LHFPL3: variants seen among roughly 807,000 people sequenced by gnomAD.
LHFPL3 encodes LHFPL tetraspan subfamily member 3 protein.
LHFPL3 carries 5 observed loss-of-function variants against 19.3 expected under a neutral mutation model. The ratio of observed to expected loss-of-function variants is 0.26; its 90% confidence interval spans 0.14 to 0.54. LHFPL3 has a LOEUF of 0.54. Among genes scored for constraint, LHFPL3 ranks in the 20% least tolerant of loss-of-function variants. The pLI, the probability that LHFPL3 is intolerant of heterozygous loss-of-function variation, is 0.94. For missense variants in LHFPL3, 249 were observed against 307.4 expected, an observed-to-expected ratio of 0.81 and a Z score of 1.42; for synonymous variants, 133 against 126.2, an observed-to-expected ratio of 1.05 and a Z score of -0.36.
chr7:104,813,044 G>T (rs1259844048), intron 2 of LHFPL3, among the ~76,000 whole-genome samples: 4 of 152,032 alleles, frequency 2.6e-5, no homozygotes, highest in African/African-American at 9.7e-5. Context: ...AACCCAGGAG[G>T]CGGAGGTTGC....
chr7:104,652,661 A>C (rs73181821), intron 1 of LHFPL3, among the ~76,000 whole-genome samples: 7,141 of 152,160 alleles, frequency 0.047, 235 homozygotes, highest in Non-Finnish European at 0.072. Context: ...ATTGCTGGAG[A>C]TTGAGGAGGA....
intron 1 of LHFPL3, among the ~76,000 whole-genome samples, chr7:104,509,439 A>C (rs1337440096): frequency 2.0e-5 from 3 of 152,148 alleles, no homozygotes; most frequent in Non-Finnish European, 4.4e-5. Context: ...TTTTAAAATT[A>C]ACCAATATAA....
chr7:104,620,803 G>A (rs73413705), intron 1 of LHFPL3, among the ~76,000 whole-genome samples: 19,134 of 152,216 alleles, frequency 0.13, 1,286 homozygotes, highest in Non-Finnish European at 0.15. Flanking sequence ...GCTAAATGAT[G>A]TACCCTGATA....
At chr7:104,905,868 C>T (rs754412079) in intron 2 of LHFPL3, among the ~76,000 whole-genome samples, 1 of 152,138 alleles carries the variant, frequency 6.6e-6, no homozygotes, top group Non-Finnish European at 1.5e-5. Flanking sequence ...ACACATTTTT[C>T]CATGCTAAGC....
intron 1 of LHFPL3, among the ~76,000 whole-genome samples, chr7:104,682,308 G>T (rs945409044): frequency 6.6e-6 from 1 of 152,144 alleles, no homozygotes; most frequent in African/African-American, 2.4e-5. Context: ...GTTCCTCAAG[G>T]TGTCATCCCA....
At chr7:104,392,016 G>A (rs374381753) in intron 1 of LHFPL3, among the ~76,000 whole-genome samples, 1 of 152,124 alleles carries the variant, frequency 6.6e-6, no homozygotes, top group Non-Finnish European at 1.5e-5. Context: ...GAATGCTTGC[G>A]ATTTTTGCAC....
At chr7:104,776,462 T>C (rs189676442) in intron 2 of LHFPL3, among the ~76,000 whole-genome samples, 1 of 152,330 alleles carries the variant, frequency 6.6e-6, no homozygotes, top group East Asian at 1.9e-4. Flanking sequence ...CACAGCCAGC[T>C]TCTCCTTCTT....
rs147836768 is a variant in LHFPL3, at chr7:104,640,681, C to T, written c.446-95994C>T. On this transcript the variant is annotated intron_variant, in intron 1 of 2. Coordinates refer to ENST00000424859, the MANE Select transcript of LHFPL3 (RefSeq NM_199000.3). ...TGTTTCCAGACTTTTTAATGATCGCCGTTCTAACTGATGCGAGATGGTATC... is the reference window on the plus strand; with the variant it reads ...TGTTTCCAGACTTTTTAATGATCGCTGTTCTAACTGATGCGAGATGGTATC... 4.4e-3 allele frequency among the ~76,000 whole-genome samples: 670 copies of T among 152,230 alleles called. 5 individuals are homozygous for T. Among genetic ancestry groups the T allele is most frequent in the African/African-American group, 0.015 (643 of 41,532 alleles).
At chr7:104,389,331 G>A (rs1179299527) in intron 1 of LHFPL3, among the ~76,000 whole-genome samples, 1 of 152,110 alleles carries the variant, frequency 6.6e-6, no homozygotes, top group African/African-American at 2.4e-5. Context: ...TACACAACTT[G>A]CAGACCGAAA....
chr7:104,797,751 CA>C (rs35550547), intron 2 of LHFPL3, among the ~76,000 whole-genome samples: 2,153 of 124,566 alleles, frequency 0.017, 42 homozygotes, highest in African/African-American at 0.057. Flanking sequence ...CCCATCTCTA[CA>C]AAAAAAAAAA....
chr7:104,753,046 C>G (rs1182695579), intron 2 of LHFPL3, among the ~76,000 whole-genome samples: 5 of 152,172 alleles, frequency 3.3e-5, no homozygotes, highest in African/African-American at 1.2e-4. Context: ...TTATTTTTAA[C>G]AAGCACATTT....
At chr7:104,677,365 TA>T (rs57490869) in intron 1 of LHFPL3, among the ~76,000 whole-genome samples, 617 of 143,546 alleles carry the variant, frequency 4.3e-3, no homozygotes, top group African/African-American at 0.014. Flanking sequence ...CCAGTCTTCT[TA>T]AAAAAAAAAA....
At position 104,849,742 on chromosome 7, in the gene LHFPL3, G is replaced by A. The variant is rs563147768; in HGVS notation, c.683-56445G>A. Among the ~76,000 whole-genome samples the A allele has an allele frequency of 6.6e-5, 10 of 152,348 alleles. No individual in the cohort carries two copies. In the South Asian group the frequency reaches 2.1e-3, roughly 32 times the overall value. ...TGGGGAAACCCAGCAGGGCCTCTCTGTCTAGATTCTTCTTGGCCTCTCTGA... is the reference window on the plus strand; with the variant it reads ...TGGGGAAACCCAGCAGGGCCTCTCTATCTAGATTCTTCTTGGCCTCTCTGA... On this transcript the variant is annotated intron_variant, in intron 2 of 2. Transcript: ENST00000424859.
chr7:104,849,615 G>A (rs1466818645), intron 2 of LHFPL3, among the ~76,000 whole-genome samples: 2 of 152,260 alleles, frequency 1.3e-5, no homozygotes, highest in African/African-American at 4.8e-5. Context: ...CAAAGATTCA[G>A]GAGAAATTGC....
intron 1 of LHFPL3, among the ~76,000 whole-genome samples, chr7:104,359,922 AT>A (rs1003810301): frequency 2.6e-5 from 4 of 152,198 alleles, no homozygotes; most frequent in Non-Finnish European, 5.9e-5. Context: ...ACATGGTTTT[AT>A]TTTTTTCCAA....
intron 1 of LHFPL3, among the ~76,000 whole-genome samples, chr7:104,560,021 G>A (rs1347218692): frequency 2.0e-4 from 30 of 148,996 alleles, no homozygotes; most frequent in South Asian, 2.1e-4. Flanking sequence ...TGCATCCCAG[G>A]GATGAAGCCC....
intron 1 of LHFPL3, among the ~76,000 whole-genome samples, chr7:104,511,201 C>G (rs1793807046): frequency 6.6e-6 from 1 of 152,030 alleles, no homozygotes; most frequent in Non-Finnish European, 1.5e-5. Flanking sequence ...CAGATAAGCA[C>G]AGGAGAAAAT....
intron 2 of LHFPL3, among the ~76,000 whole-genome samples, chr7:104,840,855 T>C (rs990775087): frequency 6.6e-6 from 1 of 152,174 alleles, no homozygotes; most frequent in Non-Finnish European, 1.5e-5. Flanking sequence ...TCTAAATGAA[T>C]GAGACCACAG....
chr7:104,768,137 C>T (rs541764962), intron 2 of LHFPL3, among the ~76,000 whole-genome samples: 3 of 33,912 alleles, frequency 8.8e-5, no homozygotes, highest in Non-Finnish European at 1.6e-4. Flanking sequence ...TGATTATTCT[C>T]GTGAAAAAAA....
Sources: allele counts gnomAD v4.1 joint callset (sites outside exome capture counted in the v4.1 genomes callset), GRCh38; gene constraint gnomAD v4.1.1; transcripts MANE v1.5; gene names NCBI Gene and HGNC (gene_info 2026-07-23, HGNC 2026-07-21).